The following NEK4 variants were observed in gnomAD, a reference collection of about 807,000 sequenced individuals.
NEK4 encodes the protein NIMA related kinase 4.
In NEK4, 86 loss-of-function variants were observed where a neutral mutation model predicts 98.4. The ratio of observed to expected loss-of-function variants is 0.87; its 90% CI spans 0.73 to 1.05. NEK4 has a LOEUF of 1.05. NEK4 is among the 50% of genes least tolerant of loss of function. The pLI is 0.00. For synonymous variants in NEK4, 328 were observed against 342.2 expected (o/e 0.96, Z 0.46); for missense variants, 898 against 950.3 (o/e 0.94, Z 0.72).
chr3:52,743,537 A>C (rs2097390415), intron 11 of NEK4, 76 bp from the exon 12 acceptor site: 2 of 1,097,556 alleles, frequency 1.8e-6, no homozygotes, highest in Admixed American at 3.6e-5. Flanking sequence ...TTTGGTATGG[A>C]ACATACCCCA....
chr3:52,745,465 G>C (rs752331874), intron 10 of NEK4, among the ~76,000 whole-genome samples: 2 of 152,002 alleles, frequency 1.3e-5, no homozygotes, highest in Non-Finnish European at 2.9e-5. Context: ...TGTAGTTCCA[G>C]CTACTCAGGA....
intron 15 of NEK4, among the ~76,000 whole-genome samples, chr3:52,722,596 T>C (rs1452982820): frequency 1.3e-5 from 2 of 152,148 alleles, no homozygotes; most frequent in Non-Finnish European, 2.9e-5. Flanking sequence ...TAAGATCAGA[T>C]GGCAGACTTA....
Position 52,758,864 on chromosome 3 carries a change from G to A in NEK4, c.963+1931C>T, listed in dbSNP as rs72960277. Among the ~76,000 whole-genome samples the A allele has an allele frequency of 8.1e-3, 1,236 of 152,132 alleles. 24 individuals carry two copies. The highest frequency in any genetic ancestry group is 0.028 in the African/African-American group (1,179 of 41,496). On this transcript the variant is annotated intron_variant, in intron 6 of 15. Transcript: ENST00000233027. ...TACCTGTAATATCAGCACTTTGGGA[G>A]GAAAACGCAGAAGAACTGTTCAAGA...
intron 15 of NEK4, among the ~76,000 whole-genome samples, chr3:52,737,301 C>A (rs1039269817): frequency 6.6e-6 from 1 of 150,992 alleles, no homozygotes; most frequent in Admixed American, 6.6e-5. Flanking sequence ...AGGGCTGAAA[C>A]CAAAAAAACT....
At chr3:52,760,213 ATTTATT>A (rs751167494) in intron 6 of NEK4, among the ~76,000 whole-genome samples, 2 of 151,890 alleles carry the variant, frequency 1.3e-5, no homozygotes, top group African/African-American at 4.8e-5. Context: ...ATTTTATTTT[ATTTATT>A]TTTATTTTTA....
chr3:52,744,244 G>A lies in NEK4; in HGVS notation c.1889C>T (p.Ser630Phe). The A allele has an allele frequency of 6.2e-7, 1 of 1,612,346 alleles. No individual in the cohort carries two copies. The change falls in exon 11 of 16, where the codon TCT becomes TTT. Residue 630 changes from serine (S) to phenylalanine (F), a missense_variant. Ser to Phe is a radical substitution (Grantham distance 155). Transcript: ENST00000233027. ...AGAAAAGAAGTCAACTTTACCTGAA[G>A]AGGACATTTCTTCCTGTGACTGCTT... is the stretch of plus-strand genomic sequence containing the variant. ...RLKQSQEEMSSSGPSVRKASL... is the reference protein window; with the variant it reads ...RLKQSQEEMSFSGPSVRKASL...
At chr3:52,760,515 C>G (rs993608552) in intron 6 of NEK4, among the ~76,000 whole-genome samples, 13 of 152,182 alleles carry the variant, frequency 8.5e-5, no homozygotes, top group African/African-American at 2.9e-4. Context: ...CCGCGCTCAG[C>G]CTTAACTGTT....
chr3:52,740,798 T>C (rs551570854), intron 13 of NEK4, among the ~76,000 whole-genome samples: 1 of 146,810 alleles, frequency 6.8e-6, no homozygotes, highest in East Asian at 2.0e-4. Context: ...TCTCAAAAAA[T>C]AAATAAATAA....
chr3:52,715,864 G>C (rs757545461), intron 15 of NEK4, among the ~76,000 whole-genome samples: 2 of 152,262 alleles, frequency 1.3e-5, no homozygotes, highest in Non-Finnish European at 2.9e-5. Flanking sequence ...TGCATGTGAA[G>C]AGGAGAGAAG....
chr3:52,750,063 G>C (rs2097402576), intron 7 of NEK4, among the ~76,000 whole-genome samples: 1 of 152,124 alleles, frequency 6.6e-6, no homozygotes, highest in Non-Finnish European at 1.5e-5. Flanking sequence ...TTAATACATA[G>C]AGTTACCATA....
intron 2 of NEK4, among the ~76,000 whole-genome samples, chr3:52,767,491 C>T (rs1018256457): frequency 5.3e-5 from 8 of 151,996 alleles, no homozygotes; most frequent in African/African-American, 2.4e-5. Flanking sequence ...GCAGGTGGAT[C>T]ACCTGAGGTC....
intron 5 of NEK4, among the ~76,000 whole-genome samples, chr3:52,762,255 G>C (rs1698384360): frequency 6.6e-6 from 1 of 152,188 alleles, no homozygotes; most frequent in African/African-American, 2.4e-5. Flanking sequence ...CTTTATGCAA[G>C]CTCTCAGAAA....
In NEK4 at chr3:52,765,951, G is replaced by C. The variant is rs1414408785; in HGVS notation, c.602C>G (p.Thr201Ser). The part of the protein sequence containing the change: ...ALGCCVYEMA[T>S]LKHAFNAKDM... ...TTTTGCATTGAAAGCATGCTTCAAG[G>C]TGGCCATTTCATAGACACAGCATCC... is the stretch of plus-strand genomic sequence containing the variant. Residue 201 changes from threonine to serine, a missense_variant, in exon 4 of 16, where the codon ACC becomes AGC. By Grantham distance (58) the Thr-to-Ser change is moderately conservative. Coordinates refer to ENST00000233027, the MANE Select transcript of NEK4 (RefSeq NM_003157.6). 2.5e-6 allele frequency: 4 copies of C among 1,613,034 alleles called. No homozygotes were observed. In the South Asian group the frequency reaches 4.4e-5, roughly 18 times the overall value.
intron 15 of NEK4, among the ~76,000 whole-genome samples, chr3:52,721,051 T>C (rs2097359614): frequency 6.6e-6 from 1 of 152,208 alleles, no homozygotes; most frequent in African/African-American, 2.4e-5. Context: ...TGGATTCTCT[T>C]GAAGGCTGGA....
chr3:52,770,771 G>A lies in NEK4; in HGVS notation c.-25C>T, dbSNP rs1214883403. On this transcript the variant is annotated 5_prime_UTR_variant, in exon 1 of 16. Coordinates refer to ENST00000233027, the MANE Select transcript of NEK4 (RefSeq NM_003157.6). ...TGTTCCCAGCGCTGGCCCAGAGTCG[G>A]GATGCGGCGGCAGCGGCGGGTAGGG... 1 of 1,546,246 alleles carries A rather than the reference G, an allele frequency of 6.5e-7. No homozygotes were observed. The highest frequency in any genetic ancestry group is 8.7e-7 in the Non-Finnish European group (1 of 1,145,310).
intron 15 of NEK4, among the ~76,000 whole-genome samples, chr3:52,719,497 C>T (rs1051145204): frequency 7.3e-5 from 11 of 151,212 alleles, no homozygotes; most frequent in African/African-American, 2.4e-4. Context: ...GCAGGAGAAT[C>T]GCTTGAACCT....
intron 11 of NEK4, among the ~76,000 whole-genome samples, chr3:52,743,797 CAATA>C (rs2097390847): frequency 6.6e-6 from 1 of 152,130 alleles, no homozygotes; most frequent in Non-Finnish European, 1.5e-5. Flanking sequence ...GGTCAGCATT[CAATA>C]AATGGAAACT....
rs181606284 is a variant in NEK4 at position 52,766,976 on chromosome 3, G to A, written c.361-601C>T. ...AGTCCGTAGTCCGGCCTGGGCGACA[G>A]AGCGAGACTCCGTCTCAAAAAAAAA... On this transcript the variant is annotated intron_variant, in intron 2 of 15. Transcript: ENST00000233027. 5.5e-3 allele frequency among the ~76,000 whole-genome samples: 830 copies of A among 151,680 alleles called. 13 individuals are homozygous for A. The South Asian group carries it at 0.066, about 12-fold the overall frequency.
intron 15 of NEK4, among the ~76,000 whole-genome samples, chr3:52,717,851 A>G (rs1386374005): frequency 6.6e-6 from 1 of 152,050 alleles, no homozygotes; most frequent in African/African-American, 2.4e-5. Context: ...GTGCAGTGGC[A>G]CAATCTCAGC....
Sources: allele counts gnomAD v4.1 joint callset (sites outside exome capture counted in the v4.1 genomes callset), GRCh38; gene constraint gnomAD v4.1.1; transcripts MANE v1.5; gene names NCBI Gene and HGNC (gene_info 2026-07-23, HGNC 2026-07-21).